ETV3: variants seen among roughly 807,000 people sequenced by gnomAD.
ETV3 encodes the protein ETS translocation variant 3.
A neutral mutation model predicts 33.0 loss-of-function variants in ETV3; 8 were observed. The observed-to-expected ratio is 0.24, with a 90% CI of 0.14 to 0.44. ETV3 has a LOEUF of 0.44. Among genes scored for constraint, ETV3 ranks in the 20% least tolerant of loss-of-function variants. ETV3 has a pLI of 1.00. For synonymous variants in ETV3, 222 were observed against 238.9 expected (o/e 0.93, Z 0.65); for missense variants, 473 against 652.3 (o/e 0.73, Z 2.99).
chr1:157,128,474 G>T, intron 4 of ETV3: 1 of 310,364 alleles, frequency 3.2e-6, no homozygotes, highest in East Asian at 8.2e-5. Flanking sequence ...GTCTCTTTGG[G>T]TGGAAGACAG....
At position 157,123,678 on chromosome 1, in the gene ETV3, T is replaced by A. The variant is rs537868174; in HGVS notation, c.*1163A>T. The A allele has an allele frequency of 2.0e-5, 3 of 152,140 alleles. No homozygotes were observed. The highest frequency in any genetic ancestry group is 7.2e-5 in the African/African-American group (3 of 41,420). The allele number at this position is 152,140 out of a possible 1,614,324, so 9.4% of individuals were successfully genotyped here. A position where few individuals can be genotyped will look rare whatever the true frequency, so the allele number is the denominator to read the frequency against. On this transcript the variant is annotated 3_prime_UTR_variant, in exon 5 of 5. Transcript: ENST00000368192. ...CTTTTGGCTACCCATCCCAACAATATCAAGAGGGAATGACTAAGTATCAGC... is the reference window on the plus strand; with the variant it reads ...CTTTTGGCTACCCATCCCAACAATAACAAGAGGGAATGACTAAGTATCAGC...
intron 3 of ETV3, chr1:157,135,097 G>C: frequency 3.7e-6 from 1 of 267,544 alleles, no homozygotes; most frequent in South Asian, 6.4e-5. Context: ...GTTTCTTTCA[G>C]GGAAGCCCAA....
In ETV3 at chr1:157,125,816, C is replaced by G. The variant is rs1184041428; in HGVS notation, c.564G>C (p.Lys188Asn). ...GQESSNGTDR[K>N]TELSELEDGS... is the part of the protein sequence containing the mutation. ...CATCCTCCAGCTCTGAAAGCTCAGT[C>G]TTTCTATCAGTACCATTACTGGACT... Residue 188 changes from lysine to asparagine, a missense_variant, in exon 5 of 5, where the codon AAG (lysine) becomes AAC (asparagine). Lys to Asn is a moderately conservative substitution (Grantham distance 94). Coordinates refer to ENST00000368192, the MANE Select transcript of ETV3 (RefSeq NM_001145312.3). This position sits in a 1 kb window ranked among gnomAD's most constrained non-coding sequence, Gnocchi z 4.0. The G allele has an allele frequency of 6.4e-7, 1 of 1,551,688 alleles. No individual in the cohort carries two copies. The highest frequency in any genetic ancestry group is 2.0e-5 in the Admixed American group (1 of 51,002).
intron 4 of ETV3, among the ~76,000 whole-genome samples, chr1:157,129,448 G>A (rs1674920559): frequency 6.6e-6 from 1 of 152,120 alleles, no homozygotes; most frequent in Non-Finnish European, 1.5e-5. Context: ...TGGAAATGGT[G>A]CTTTTGCCAA....
chr1:157,130,095 G>A (rs1347833838), intron 4 of ETV3, among the ~76,000 whole-genome samples: 7 of 152,206 alleles, frequency 4.6e-5, no homozygotes, highest in African/African-American at 1.2e-4. Context: ...GCCCACCTCC[G>A]CCTCCCAAAG....
At position 157,124,832 on chromosome 1, in the gene ETV3, C is replaced by A; in HGVS notation, c.*9G>T. 7.0e-7 allele frequency: 1 copy of A among 1,423,664 alleles called. No homozygotes were observed. Among genetic ancestry groups the A allele is most frequent in the Non-Finnish European group, 9.3e-7 (1 of 1,071,626 alleles). The allele number at this position is 1,423,664 out of a possible 1,614,324, so 88.2% of individuals were successfully genotyped here. On this transcript the variant is annotated 3_prime_UTR_variant, in exon 5 of 5. Coordinates refer to ENST00000368192, the MANE Select transcript of ETV3 (RefSeq NM_001145312.3). Reference sequence around the variant, plus strand: ...TATAGTATAAACAGCTCCTAATCCACTTCCAGTTCTAAGCATCAGCAGCTG... The same window carrying A: ...TATAGTATAAACAGCTCCTAATCCAATTCCAGTTCTAAGCATCAGCAGCTG...
In ETV3 at chr1:157,124,757, C is replaced by CT; in HGVS notation, c.*83dup. On this transcript the variant is annotated 3_prime_UTR_variant, in exon 5 of 5. Transcript: ENST00000368192. ...AGAATGATCAAACCAGTTTAACTCC[C>CT]TCCCCCCCACCCTGAAATCTTGCTA... The CT allele has an allele frequency of 8.3e-6, 2 of 240,810 alleles. No individual in the cohort carries two copies. The highest frequency in any genetic ancestry group is 1.0e-4 in the South Asian group (2 of 20,090). The allele number at this position is 240,810 out of a possible 1,614,324, so 14.9% of individuals were successfully genotyped here.
intron 3 of ETV3, 190 bp downstream of exon 3, chr1:157,135,281 T>G (rs1675071824): frequency 5.8e-6 from 4 of 686,174 alleles, no homozygotes; most frequent in East Asian, 2.7e-5. Flanking sequence ...TAACCAAAGA[T>G]ATGCCTTTTC....
Position 157,125,206 on chromosome 1 carries a change from T to C in ETV3, c.1174A>G (p.Ser392Gly), listed in dbSNP as rs1455056185. Reference protein sequence around the residue: ...VEPASEKDPESLRQSAREKEE... With the variant: ...VEPASEKDPEGLRQSAREKEE... ...TTCTCTCGTGCCGACTGCCTGAGGC[T>C]CTCAGGATCCTTTTCAGAGGCAGGT... The change falls in exon 5 of 5, where the codon AGC (serine) becomes GGC (glycine). Residue 392 changes from serine (S) to glycine (G), a missense_variant. Coordinates refer to ENST00000368192, the MANE Select transcript of ETV3 (RefSeq NM_001145312.3). The surrounding 1 kb of genome is among the most constrained non-coding windows in gnomAD (Gnocchi z 4.0). 1 of 1,552,144 alleles carries C rather than the reference T, an allele frequency of 6.4e-7. No homozygotes were observed. The highest frequency in any genetic ancestry group is 8.7e-7 in the Non-Finnish European group (1 of 1,147,124).
chr1:157,133,910 A>C, intron 4 of ETV3: 1 of 1,393,460 alleles, frequency 7.2e-7, no homozygotes, highest in Non-Finnish European at 9.3e-7. Context: ...AAATAAACCA[A>C]AGAAATCTAT....
chr1:157,126,021 CTCAT>C (rs767491602), intron 4 of ETV3, 42 bp from the exon 5 acceptor site: 36 of 1,466,020 alleles, frequency 2.5e-5, no homozygotes, highest in Middle Eastern at 2.3e-4. Context: ...CAGAGGACTG[CTCAT>C]TCATTATCAT....
At position 157,124,780 on chromosome 1, in the gene ETV3, C is replaced by T. The variant is rs552874710; in HGVS notation, c.*61G>A. The stretch of plus-strand genomic sequence containing the variant: ...CCCTCCCCCCCACCCTGAAATCTTG[C>T]TACATAAATACATGTATGTATTTGA... On this transcript the variant is annotated 3_prime_UTR_variant, in exon 5 of 5. Transcript: ENST00000368192. 9.1e-5 allele frequency: 15 copies of T among 164,198 alleles called. No homozygotes were observed. In the East Asian group the frequency reaches 3.1e-3, roughly 33 times the overall value. 10.2% of individuals were successfully genotyped at this position (164,198 alleles called of 1,614,324 possible).
intron 4 of ETV3, 45 bp from the exon 5 acceptor site, chr1:157,126,024 A>G (rs1674828622): frequency 6.9e-7 from 1 of 1,454,532 alleles, no homozygotes; most frequent in African/African-American, 1.4e-5. Context: ...AGGACTGCTC[A>G]TTCATTATCA....
rs550572021 is a variant in ETV3 at position 157,130,042 on chromosome 1, C to A, written c.401-4063G>T. On this transcript the variant is annotated intron_variant, in intron 4 of 4. Coordinates refer to ENST00000368192, the MANE Select transcript of ETV3 (RefSeq NM_001145312.3). The stretch of plus-strand genomic sequence containing the variant: ...TATTTTTAGTAGAGACAGGGTTTCA[C>A]CATATTGGTCAGGCTGGTCTTGAAC... Among the ~76,000 whole-genome samples, 9 of 152,162 alleles carry A rather than the reference C, an allele frequency of 5.9e-5. No homozygotes were observed. In the South Asian group the frequency reaches 1.7e-3, roughly 28 times the overall value.
In ETV3 at chr1:157,125,547, G is replaced by A. The variant is rs1357060130; in HGVS notation, c.833C>T (p.Pro278Leu). The change falls in exon 5 of 5, where the codon CCA (proline) becomes CTA (leucine). Residue 278 changes from proline to leucine, a missense_variant. By Grantham distance (98) the Pro-to-Leu change is moderately conservative. This residue lies in a region of ETV3 where 410 missense variants were observed against 520.2 expected (regional missense o/e 0.79). Coordinates refer to ENST00000368192, the MANE Select transcript of ETV3 (RefSeq NM_001145312.3). The surrounding 1 kb of genome is among the most constrained non-coding windows in gnomAD (Gnocchi z 4.0). ...SLTPTIFSYS[P>L]SPGLSPFTSS... is the part of the protein sequence containing the mutation. ...GGTGAAAGGGCTCAGGCCTGGTGAT[G>A]GGCTATAGGAGAAGATGGTGGGAGT... 9.7e-6 allele frequency: 15 copies of A among 1,551,874 alleles called. No individual in the cohort carries two copies. The highest frequency in any genetic ancestry group is 2.4e-5 in the East Asian group (1 of 40,934).
At position 157,125,668 on chromosome 1, in the gene ETV3, C is replaced by T; in HGVS notation, c.712G>A (p.Gly238Arg). ...GGACTGTGGGGGTCAGGGTACATCCCTGGCCTAGCAAACAGAGGAAGCATT... is the reference window on the plus strand; with the variant it reads ...GGACTGTGGGGGTCAGGGTACATCCTTGGCCTAGCAAACAGAGGAAGCATT... ...DIMLPLFARP[G>R]MYPDPHSPFA... The change falls in exon 5 of 5, where the codon GGG (glycine) becomes AGG (arginine). Residue 238 changes from glycine (G) to arginine (R), a missense_variant. Coordinates refer to ENST00000368192, the MANE Select transcript of ETV3 (RefSeq NM_001145312.3). The surrounding 1 kb of genome is among the most constrained non-coding windows in gnomAD (Gnocchi z 4.0). The T allele has an allele frequency of 1.3e-6, 2 of 1,551,664 alleles. No individual in the cohort carries two copies. The highest frequency in any genetic ancestry group is 1.7e-6 in the Non-Finnish European group (2 of 1,147,000).
At chr1:157,127,615 G>T (rs1218151830) in intron 4 of ETV3, among the ~76,000 whole-genome samples, 2 of 146,544 alleles carry the variant, frequency 1.4e-5, no homozygotes, top group African/African-American at 5.1e-5. Context: ...GCACCATCTT[G>T]GCTCAATGCA....
At chr1:157,135,401 T>A in intron 3 of ETV3, 70 bp downstream of exon 3, 1 of 1,557,104 alleles carries the variant, frequency 6.4e-7, no homozygotes, top group Non-Finnish European at 8.8e-7. Flanking sequence ...ACCCTTTTTA[T>A]CTAGCATTCA....
rs997336526 is a variant in ETV3 at position 157,121,880 on chromosome 1, A to T, written c.*2961T>A. On this transcript the variant is annotated 3_prime_UTR_variant, in exon 5 of 5. Coordinates refer to ENST00000368192, the MANE Select transcript of ETV3 (RefSeq NM_001145312.3). ...GCAGCTTCAAAATTAGGGTAAAGGG[A>T]CTTGGTGAAATGTTTACATTAAATA... 2 of 152,176 alleles carry T rather than the reference A, an allele frequency of 1.3e-5. No homozygotes were observed. The highest frequency in any genetic ancestry group is 1.3e-4 in the Admixed American group (2 of 15,288). 9.4% of individuals were successfully genotyped at this position (152,176 alleles called of 1,614,324 possible). A position where few individuals can be genotyped will look rare whatever the true frequency, so the allele number is the denominator to read the frequency against.
Sources: allele counts gnomAD v4.1 joint callset (sites outside exome capture counted in the v4.1 genomes callset), GRCh38; gene constraint gnomAD v4.1.1; regional missense constraint gnomAD v4.1.1; non-coding constraint Gnocchi (gnomAD v3.1); transcripts MANE v1.5; gene names NCBI Gene and HGNC (gene_info 2026-07-23, HGNC 2026-07-21).